The following CLIC3 variants were observed in gnomAD, a reference collection of about 807,000 sequenced individuals.
The protein encoded by CLIC3 is CLIC family member 3, also known as chloride intracellular channel protein 3.
CLIC3 carries 29 observed loss-of-function variants against 19.9 expected under a neutral mutation model. The observed-to-expected ratio is 1.46, with a 90% CI of 1.09 to 1.99. The LOEUF (loss-of-function observed/expected upper bound fraction) is 1.99, where lower values mean the gene tolerates loss of function less well. CLIC3 is among the 30% of genes most tolerant of loss of function. CLIC3 has a pLI of 0.00. For missense variants in CLIC3, 365 were observed against 342.6 expected, an observed-to-expected ratio of 1.07 and a Z score of -0.52; for synonymous variants, 143 against 156.4, an observed-to-expected ratio of 0.91 and a Z score of 0.64.
At position 136,994,773 on chromosome 9, in the gene CLIC3, CCAGGTAGCGGCGTACGCCGCG is replaced by C. The variant is rs1564202835; in HGVS notation, c.598_618del (p.Arg200_Leu206del). The C allele has an allele frequency of 6.2e-7, 1 of 1,600,576 alleles. No homozygotes were observed. The highest frequency in any genetic ancestry group is 1.1e-5 in the South Asian group (1 of 89,140). Reference sequence around the variant, plus strand: ...AACTCTTTCTCCTGCATCGCGCTGTCCAGGTAGCGGCGTACGCCGCGCAGCTCCGCGGGGATGGGCGCCTGG... The same window carrying C: ...AACTCTTTCTCCTGCATCGCGCTGTCCAGCTCCGCGGGGATGGGCGCCTGG... On this transcript the variant is annotated inframe_deletion, in exon 6 of 6. Coordinates refer to ENST00000494426, the MANE Select transcript of CLIC3 (RefSeq NM_004669.3).
At chr9:136,995,851 T>A (rs1176027856) in intron 1 of CLIC3, 94 bp from the exon 2 acceptor site, 1 of 859,346 alleles carries the variant, frequency 1.2e-6, no homozygotes, top group Non-Finnish European at 1.8e-6. Flanking sequence ...CCACTGCCAG[T>A]GGGATTGGAG....
rs780016514 is a variant in CLIC3, at chr9:136,994,903, T to TCCCG, written c.552+23_552+26dup. On this transcript the variant is annotated intron_variant, in intron 5 of 5. Transcript: ENST00000494426. ...TCCCCCAGGCGCGCCGCGGTCACCC[T>TCCCG]CCCGCCCGCCCACCTTCCGTGCTCA... The TCCCG allele has an allele frequency of 6.8e-5, 50 of 739,260 alleles. No individual in the cohort carries two copies. In the Middle Eastern group the frequency reaches 6.3e-3, roughly 93 times the overall value. 45.8% of individuals were successfully genotyped at this position (739,260 alleles called of 1,614,324 possible). A position where few individuals can be genotyped will look rare whatever the true frequency, so the allele number is the denominator to read the frequency against.
rs1830675799 is a variant in CLIC3, at chr9:136,994,922, G to A, written c.552+8C>T. On this transcript the variant is annotated splice_region_variant and intron_variant, in intron 5 of 5. Transcript: ENST00000494426. Reference sequence around the variant, plus strand: ...TCACCCTCCCGCCCGCCCACCTTCCGTGCTCACGTCGACGATGTGCAGCTT... The same window carrying A: ...TCACCCTCCCGCCCGCCCACCTTCCATGCTCACGTCGACGATGTGCAGCTT... 1.5e-6 allele frequency: 1 copy of A among 688,950 alleles called. No homozygotes were observed. Among genetic ancestry groups the A allele is most frequent in the Non-Finnish European group, 2.2e-6 (1 of 462,346 alleles). 42.7% of individuals were successfully genotyped at this position (688,950 alleles called of 1,614,324 possible).
At position 136,995,254 on chromosome 9, in the gene CLIC3, G is replaced by T. The variant is rs377578500; in HGVS notation, c.308C>A (p.Thr103Asn). Residue 103 changes from threonine (T) to asparagine (N), a missense_variant, in exon 4 of 6, where the codon ACC (threonine) becomes AAC (asparagine). Thr to Asn is a moderately conservative substitution (Grantham distance 65). Transcript: ENST00000494426. ...SLAPRYRESN[T>N]AGNDVFHKFS... ...CTTGTGGAAAACGTCGTTGCCGGCG[G>T]TGTTGGACTCCCTGTAACGAGGCGC... 28 of 1,612,816 alleles carry T rather than the reference G, an allele frequency of 1.7e-5. No homozygotes were observed. In the African/African-American group the frequency reaches 3.5e-4, roughly 20 times the overall value.
rs1430183647 is a variant in CLIC3 at position 136,994,639 on chromosome 9, G to A, written c.*42C>T. 2 of 1,583,428 alleles carry A rather than the reference G, an allele frequency of 1.3e-6. No homozygotes were observed. The highest frequency in any genetic ancestry group is 1.1e-5 in the South Asian group (1 of 87,778). On this transcript the variant is annotated 3_prime_UTR_variant, in exon 6 of 6. Coordinates refer to ENST00000494426, the MANE Select transcript of CLIC3 (RefSeq NM_004669.3). Reference sequence around the variant, plus strand: ...CAGATGTCAGGACACCCTCACTCCCGACAAAGATGCCTTTATTGGGCGACA... The same window carrying A: ...CAGATGTCAGGACACCCTCACTCCCAACAAAGATGCCTTTATTGGGCGACA...
Position 136,995,197 on chromosome 9 carries a change from G to A in CLIC3, c.365C>T (p.Ala122Val). ...FSAFIKNPVP[A>V]QDEALYQQLL... Reference sequence around the variant, plus strand: ...TGACCCCGCTTCACCTTCGTCCTGCGCGGGCACCGGGTTCTTGATGAACGC... The same window carrying A: ...TGACCCCGCTTCACCTTCGTCCTGCACGGGCACCGGGTTCTTGATGAACGC... Residue 122 changes from alanine (A) to valine (V), a missense_variant, in exon 4 of 6, where the codon GCG becomes GTG. Physicochemically the swap from Ala to Val is moderately conservative, Grantham distance 64 (BLOSUM62 0). Coordinates refer to ENST00000494426, the MANE Select transcript of CLIC3 (RefSeq NM_004669.3). The A allele has an allele frequency of 6.2e-7, 1 of 1,612,458 alleles. No individual in the cohort carries two copies. The highest frequency in any genetic ancestry group is 1.1e-5 in the South Asian group (1 of 91,032).
rs749498652 is a variant in CLIC3, at chr9:136,995,265, C to T, written c.297G>A (p.Arg99=). 1.2e-6 allele frequency: 2 copies of T among 1,612,706 alleles called. No homozygotes were observed. Among genetic ancestry groups the T allele is most frequent in the Non-Finnish European group, 1.7e-6 (2 of 1,179,902 alleles). The change falls in exon 4 of 6, where the codon AGG becomes AGA. Residue 99 remains arginine (R), a synonymous_variant. Coordinates refer to ENST00000494426, the MANE Select transcript of CLIC3 (RefSeq NM_004669.3). ...CGTCGTTGCCGGCGGTGTTGGACTCCCTGTAACGAGGCGCCAGGCTGGGGA... is the reference window on the plus strand; with the variant it reads ...CGTCGTTGCCGGCGGTGTTGGACTCTCTGTAACGAGGCGCCAGGCTGGGGA... ...PDFPSLAPRY[R]ESNTAGNDVF... is the part of the protein sequence containing the mutation.
Position 136,995,674 on chromosome 9 carries a change from G to A in CLIC3, c.117C>T (p.Phe39=). Residue 39 remains phenylalanine (F), a synonymous_variant, in exon 2 of 6, where the codon TTC becomes TTT. Coordinates refer to ENST00000494426, the MANE Select transcript of CLIC3 (RefSeq NM_004669.3). ...TGCGCGTGTCCACCGTGGTGAGGGT[G>A]AAAGGTACGCCCTTGAGGAGCAGGA... ...FMVLLLKGVP[F]TLTTVDTRRS... is the part of the protein sequence containing the mutation. The A allele has an allele frequency of 6.2e-7, 1 of 1,610,224 alleles. No individual in the cohort carries two copies. The highest frequency in any genetic ancestry group is 1.3e-5 in the African/African-American group (1 of 75,010).
At position 136,994,616 on chromosome 9, in the gene CLIC3, G is replaced by C; in HGVS notation, c.*65C>G. The C allele has an allele frequency of 6.6e-7, 1 of 1,523,700 alleles. No homozygotes were observed. Among genetic ancestry groups the C allele is most frequent in the Non-Finnish European group, 8.9e-7 (1 of 1,126,178 alleles). The allele number at this position is 1,523,700 out of a possible 1,614,324, so 94.4% of individuals were successfully genotyped here. A position where few individuals can be genotyped will look rare whatever the true frequency, so the allele number is the denominator to read the frequency against. ...TGATCCCGAGACCTCTGGCCCTTCA[G>C]ATGTCAGGACACCCTCACTCCCGAC... On this transcript the variant is annotated 3_prime_UTR_variant, in exon 6 of 6. Coordinates refer to ENST00000494426, the MANE Select transcript of CLIC3 (RefSeq NM_004669.3).
At position 136,994,989 on chromosome 9, in the gene CLIC3, C is replaced by T. The variant is rs1830677053; in HGVS notation, c.493G>A (p.Asp165Asn). 6.6e-7 allele frequency: 1 copy of T among 1,505,234 alleles called. No homozygotes were observed. Among genetic ancestry groups the T allele is most frequent in the Non-Finnish European group, 8.8e-7 (1 of 1,132,896 alleles). 93.2% of individuals were successfully genotyped at this position (1,505,234 alleles called of 1,614,324 possible). A position where few individuals can be genotyped will look rare whatever the true frequency, so the allele number is the denominator to read the frequency against. ...TCGGCCAGCGTGAGCCTGTCGCCGT[C>T]CAGGAAGCGGCGGCGGGACTCGCGC... Reference protein sequence around the residue: ...QLRESRRRFLDGDRLTLADCS... With the variant: ...QLRESRRRFLNGDRLTLADCS... The change falls in exon 5 of 6, where the codon GAC becomes AAC. Residue 165 changes from aspartate to asparagine, a missense_variant. Transcript: ENST00000494426.
chr9:136,996,440 G>T, intron 1 of CLIC3, 71 bp downstream of exon 1: 1 of 1,418,720 alleles, frequency 7.0e-7, no homozygotes, highest in Non-Finnish European at 9.7e-7. Context: ...CCCACAGCCT[G>T]CCACAGAAAG....
Position 136,995,542 on chromosome 9 carries a change from C to T in CLIC3, c.169G>A (p.Ala57Thr). The change falls in exon 3 of 6, where the codon GCC becomes ACC. Residue 57 changes from alanine to threonine, a missense_variant. By Grantham distance (58) the Ala-to-Thr change is moderately conservative (BLOSUM62 0). Coordinates refer to ENST00000494426, the MANE Select transcript of CLIC3 (RefSeq NM_004669.3). ...RRSPDVLKDFAPGSQLPILLY... is the reference protein window; with the variant it reads ...RRSPDVLKDFTPGSQLPILLY... The stretch of plus-strand genomic sequence containing the variant: ...AGGATGGGCAGCTGCGAGCCGGGGG[C>T]GAAGTCCTTCAGCACGTCCGGGGAC... The T allele has an allele frequency of 1.2e-6, 2 of 1,612,356 alleles. No homozygotes were observed. The highest frequency in any genetic ancestry group is 1.7e-6 in the Non-Finnish European group (2 of 1,179,808).
chr9:136,995,538 G>A lies in CLIC3; in HGVS notation c.173C>T (p.Pro58Leu). 1 of 1,612,478 alleles carries A rather than the reference G, an allele frequency of 6.2e-7. No homozygotes were observed. The highest frequency in any genetic ancestry group is 1.1e-5 in the South Asian group (1 of 91,082). ...RSPDVLKDFA[P>L]GSQLPILLYD... is the part of the protein sequence containing the mutation. ...GAGCAGGATGGGCAGCTGCGAGCCG[G>A]GGGCGAAGTCCTTCAGCACGTCCGG... Residue 58 changes from proline (P) to leucine (L), a missense_variant, in exon 3 of 6, where the codon CCC becomes CTC. Coordinates refer to ENST00000494426, the MANE Select transcript of CLIC3 (RefSeq NM_004669.3).
chr9:136,994,968 C>G lies in CLIC3; in HGVS notation c.514G>C (p.Ala172Pro), dbSNP rs981585134. 23 of 1,454,832 alleles carry G rather than the reference C, an allele frequency of 1.6e-5. 1 individual carries two copies. In the Admixed American group the frequency reaches 4.9e-4, roughly 31 times the overall value. 90.1% of individuals were successfully genotyped at this position (1,454,832 alleles called of 1,614,324 possible). ...RFLDGDRLTL[A>P]DCSLLPKLHI... ...AGCTTGGGCAGGAGGCTGCAGTCGG[C>G]CAGCGTGAGCCTGTCGCCGTCCAGG... is the stretch of plus-strand genomic sequence containing the variant. Residue 172 changes from alanine (A) to proline (P), a missense_variant, in exon 5 of 6, where the codon GCC becomes CCC. Ala to Pro is a conservative substitution (Grantham distance 27). Coordinates refer to ENST00000494426, the MANE Select transcript of CLIC3 (RefSeq NM_004669.3).
rs779387954 is a variant in CLIC3, at chr9:136,994,733, G to A, written c.659C>T (p.Pro220Leu). Reference sequence around the variant, plus strand: ...GGCCGCCAGGATCTCGGCGCTGTGCGGACACGTGTATTTGAACTCTTTCTC... The same window carrying A: ...GGCCGCCAGGATCTCGGCGCTGTGCAGACACGTGTATTTGAACTCTTTCTC... ...MQEKEFKYTC[P>L]HSAEILAAYR... The change falls in exon 6 of 6, where the codon CCG (proline) becomes CTG (leucine). Residue 220 changes from proline to leucine, a missense_variant. Physicochemically the swap from Pro to Leu is moderately conservative, Grantham distance 98. Coordinates refer to ENST00000494426, the MANE Select transcript of CLIC3 (RefSeq NM_004669.3). 2.5e-6 allele frequency: 4 copies of A among 1,609,688 alleles called. No individual in the cohort carries two copies. The highest frequency in any genetic ancestry group is 2.7e-5 in the African/African-American group (2 of 74,888).
chr9:136,995,011 G>T lies in CLIC3; in HGVS notation c.471C>A (p.Arg157=). 1 of 1,507,334 alleles carries T rather than the reference G, an allele frequency of 6.6e-7. No individual in the cohort carries two copies. The highest frequency in any genetic ancestry group is 8.8e-7 in the Non-Finnish European group (1 of 1,133,538). The allele number at this position is 1,507,334 out of a possible 1,614,324, so 93.4% of individuals were successfully genotyped here. ...CGTCCAGGAAGCGGCGGCGGGACTC[G>T]CGCAGCTGCGGCTCCCCCGCCAGCT... The part of the protein sequence containing the change: ...EHELAGEPQL[R]ESRRRFLDGD... Residue 157 remains arginine (R), a synonymous_variant, in exon 5 of 6, where the codon CGC becomes CGA. Coordinates refer to ENST00000494426, the MANE Select transcript of CLIC3 (RefSeq NM_004669.3).
At chr9:136,995,329 G>A (rs751600174) in intron 3 of CLIC3, 37 bp from the exon 4 acceptor site, 1 of 1,608,916 alleles carries the variant, frequency 6.2e-7, no homozygotes, top group Non-Finnish European at 8.5e-7. Context: ...TTAGACTGGG[G>A]GCAGCCCCGT....
intron 4 of CLIC3, 37 bp from the exon 5 acceptor site, chr9:136,995,142 GGC>G: frequency 4.4e-6 from 7 of 1,588,470 alleles, no homozygotes; most frequent in Non-Finnish European, 6.0e-6. Context: ...CCAGGCCCAG[GGC>G]GCCCTCCCGC....
rs752435024 is a variant in CLIC3 at position 136,995,425 on chromosome 9, C to G, written c.269+17G>C. On this transcript the variant is annotated intron_variant, in intron 3 of 5. Transcript: ENST00000494426. ...GGGCCCCCCTCTTTTCCCCTCCCACCCTGCCGGGGCTCTCACTCGGGCGGC... is the reference window on the plus strand; with the variant it reads ...GGGCCCCCCTCTTTTCCCCTCCCACGCTGCCGGGGCTCTCACTCGGGCGGC... 1.6e-5 allele frequency: 26 copies of G among 1,611,978 alleles called. No homozygotes were observed. The highest frequency in any genetic ancestry group is 3.3e-4 in the Middle Eastern group (2 of 6,080).
Sources: allele counts gnomAD v4.1 joint callset, GRCh38; gene constraint gnomAD v4.1.1; transcripts MANE v1.5; gene names NCBI Gene and HGNC (gene_info 2026-07-23, HGNC 2026-07-21).